Variants in SLIT3 observed in about 807,000 individuals in gnomAD.
SLIT3 encodes the protein slit guidance ligand 3, also known as slit homolog 3 protein.
SLIT3 carries 68 observed loss-of-function variants against 184.0 expected under a neutral mutation model. The ratio of observed to expected loss-of-function variants is 0.37; its 90% confidence interval spans 0.30 to 0.45. The LOEUF (loss-of-function observed/expected upper bound fraction) is 0.45, where lower values mean the gene tolerates loss of function less well. Among genes scored for constraint, SLIT3 ranks in the 20% least tolerant of loss-of-function variants. SLIT3 has a pLI of 1.00. For missense variants in SLIT3, 1,707 were observed against 2,026.0 expected (o/e 0.84, Z 3.02); for synonymous variants, 831 against 828.6 (o/e 1.00, Z -0.05).
chr5:169,070,089 T>C (rs1758489901), intron 4 of SLIT3, among the ~76,000 whole-genome samples: 1 of 152,100 alleles, frequency 6.6e-6, no homozygotes, highest in Non-Finnish European at 1.5e-5. Flanking sequence ...ATTGGTCTGA[T>C]TAGATTTTGG....
At chr5:168,800,321 C>T (rs1417434936) in intron 9 of SLIT3, among the ~76,000 whole-genome samples, 1 of 152,216 alleles carries the variant, frequency 6.6e-6, no homozygotes, top group Non-Finnish European at 1.5e-5. Flanking sequence ...CGCAGTGGCT[C>T]ACGCCTGTAA....
intron 1 of SLIT3, among the ~76,000 whole-genome samples, chr5:169,284,164 C>T (rs563399862): frequency 2.6e-5 from 4 of 152,322 alleles, no homozygotes; most frequent in South Asian, 2.1e-4. Flanking sequence ...AGGATCTATC[C>T]GGTGAGGAAA....
chr5:169,182,721 T>G (rs1763206453), intron 4 of SLIT3, among the ~76,000 whole-genome samples: 1 of 152,214 alleles, frequency 6.6e-6, no homozygotes, highest in Non-Finnish European at 1.5e-5. Context: ...GTGTTTGGGT[T>G]CTGCTCACCT....
chr5:168,854,585 T>A (rs1758790572), intron 5 of SLIT3, among the ~76,000 whole-genome samples: 1 of 152,238 alleles, frequency 6.6e-6, no homozygotes, highest in Admixed American at 6.5e-5. Flanking sequence ...TGGGACAGCA[T>A]AGTGCTCTCT....
Position 169,278,748 on chromosome 5 carries a change from T to C in SLIT3, c.197+21765A>G, listed in dbSNP as rs1766899067. On this transcript the variant is annotated intron_variant, in intron 1 of 35. Transcript: ENST00000519560. ...TGAGACAAGGAACCCCTCCGCCATG[T>C]TTCTTCACATGGGCTACCCATCCCT... Among the ~76,000 whole-genome samples, 8 of 152,108 alleles carry C rather than the reference T, an allele frequency of 5.3e-5. No homozygotes were observed. The South Asian group carries it at 1.5e-3, about 28-fold the overall frequency.
At chr5:168,771,972 A>G (rs1487783306) in intron 14 of SLIT3, among the ~76,000 whole-genome samples, 1 of 150,460 alleles carries the variant, frequency 6.6e-6, no homozygotes, top group Non-Finnish European at 1.5e-5. Flanking sequence ...TTGGGGGCAC[A>G]ATGCAGTTTG....
At chr5:169,198,702 G>A (rs297846) in intron 3 of SLIT3, among the ~76,000 whole-genome samples, 27,042 of 152,012 alleles carry the variant, frequency 0.18, 2,709 homozygotes, top group East Asian at 0.44. Flanking sequence ...GGGAGGCCAA[G>A]GTGGGCAGAT....
At chr5:168,897,654 A>ACACACACACACACACACACACACT (rs1760724709) in intron 4 of SLIT3, among the ~76,000 whole-genome samples, 3 of 115,388 alleles carry the variant, frequency 2.6e-5, no homozygotes, top group Non-Finnish European at 6.1e-5. Context: ...ACGTACACAC[A>ACACACACACACACACACACACACT]CACACACACA....
At chr5:169,287,941 G>T (rs1030339197) in intron 1 of SLIT3, among the ~76,000 whole-genome samples, 2 of 152,174 alleles carry the variant, frequency 1.3e-5, no homozygotes, top group African/African-American at 4.8e-5. Flanking sequence ...TCCCAGAGCA[G>T]GGTCTTCCCC....
chr5:169,035,139 G>C (rs1218356618), intron 4 of SLIT3, among the ~76,000 whole-genome samples: 9 of 151,996 alleles, frequency 5.9e-5, no homozygotes, highest in Admixed American at 5.9e-4. Flanking sequence ...TAGATTCTTG[G>C]ATGCCTTCTA....
At chr5:169,251,493 G>GTCAGATTT (rs757354483) in intron 1 of SLIT3, 34 bp from the exon 2 acceptor site, 15 of 1,458,548 alleles carry the variant, frequency 1.0e-5, no homozygotes, top group Middle Eastern at 1.7e-4. Context: ...TCAGATTTTT[G>GTCAGATTT]TGGGTTACAA....
intron 32 of SLIT3, among the ~76,000 whole-genome samples, chr5:168,675,285 C>T (rs866891582): frequency 2.3e-4 from 35 of 152,240 alleles, no homozygotes; most frequent in Middle Eastern, 3.4e-3. Flanking sequence ...AGGATCCCAG[C>T]AGGGGGTGGC....
intron 4 of SLIT3, among the ~76,000 whole-genome samples, chr5:168,910,406 G>GCA (rs1364023452): frequency 4.6e-5 from 7 of 151,934 alleles, no homozygotes; most frequent in African/African-American, 1.2e-4. Flanking sequence ...TTACACACTC[G>GCA]CACACACACA....
At chr5:169,280,313 C>T (rs1010201713) in intron 1 of SLIT3, among the ~76,000 whole-genome samples, 2 of 152,224 alleles carry the variant, frequency 1.3e-5, no homozygotes, top group Admixed American at 6.5e-5. Context: ...GCCATGTGGC[C>T]AGAAGCATTT....
chr5:169,011,756 A>C (rs547658187), intron 4 of SLIT3, among the ~76,000 whole-genome samples: 1 of 152,338 alleles, frequency 6.6e-6, no homozygotes, highest in Admixed American at 6.5e-5. Flanking sequence ...TGTTATTGTC[A>C]GCAAATGTGC....
chr5:169,185,963 T>C (rs1172794561), intron 4 of SLIT3, among the ~76,000 whole-genome samples: 1 of 152,182 alleles, frequency 6.6e-6, no homozygotes, highest in Non-Finnish European at 1.5e-5. Flanking sequence ...GGCCTCTGTT[T>C]CTGTATCTCT....
intron 4 of SLIT3, among the ~76,000 whole-genome samples, chr5:169,007,127 G>A (rs1755965258): frequency 6.6e-6 from 1 of 152,158 alleles, no homozygotes; most frequent in South Asian, 2.1e-4. Context: ...TTATAGGGCA[G>A]TTTCCCCTGC....
intron 4 of SLIT3, among the ~76,000 whole-genome samples, chr5:169,085,488 C>G (rs1005872704): frequency 6.6e-6 from 1 of 152,194 alleles, no homozygotes; most frequent in Non-Finnish European, 1.5e-5. Flanking sequence ...TGGTCTTGCT[C>G]TACTCAGAGA....
At chr5:169,060,633 T>G (rs1758145900) in intron 4 of SLIT3, among the ~76,000 whole-genome samples, 2 of 152,200 alleles carry the variant, frequency 1.3e-5, no homozygotes, top group East Asian at 3.9e-4. Context: ...CATCAGGCTC[T>G]ATGTCTCCTC....
Sources: gnomAD v4.1 joint callset for allele counts (sites outside exome capture counted in the v4.1 genomes callset) on GRCh38, gnomAD v4.1.1 for gene constraint, MANE v1.5 for transcripts, NCBI Gene and HGNC (gene_info 2026-07-23, HGNC 2026-07-21) for gene names.